Variants in SHANK2 observed in about 807,000 individuals in gnomAD.
SHANK2 encodes the protein SH3 and multiple ankyrin repeat domains protein 2.
In SHANK2, 43 loss-of-function variants were observed where a neutral mutation model predicts 133.7. The ratio of observed to expected loss-of-function variants is 0.32; its 90% CI spans 0.25 to 0.41. The LOEUF is 0.41. Among genes scored for constraint, SHANK2 ranks in the 10% least tolerant of loss-of-function variants. The probability of loss-of-function intolerance (pLI) is 1.00; values close to 1 mark genes in which losing one functional copy is unlikely to be tolerated. For missense variants in SHANK2, 1,994 were observed against 2,235.8 expected, an observed-to-expected ratio of 0.89 and a Z score of 2.18; for synonymous variants, 1,017 against 952.8, an observed-to-expected ratio of 1.07 and a Z score of -1.24.
In SHANK2 at chr11:70,485,997, C is replaced by A. The variant is rs559537625; in HGVS notation, c.4296G>T (p.Pro1432=). 6.2e-7 allele frequency: 1 copy of A among 1,613,884 alleles called. No individual in the cohort carries two copies. Among genetic ancestry groups the A allele is most frequent in the African/African-American group, 1.3e-5 (1 of 74,856 alleles). ...DIPDDRAASV[P]ALSDLVKQKK... ...TCTGCTTCACTAAGTCTGAGAGAGCCGGGACAGAAGCTGCCCGGTCATCGG... is the reference window on the plus strand; with the variant it reads ...TCTGCTTCACTAAGTCTGAGAGAGCAGGGACAGAAGCTGCCCGGTCATCGG... The change falls in exon 25 of 26, where the codon CCG becomes CCT. Residue 1432 remains proline, a synonymous_variant. Transcript: ENST00000601538. This position sits in a 1 kb window ranked among gnomAD's most constrained non-coding sequence, Gnocchi z 5.8.
intron 11 of SHANK2, among the ~76,000 whole-genome samples, chr11:70,887,123 G>A (rs1443202310): frequency 1.3e-5 from 2 of 152,220 alleles, no homozygotes; most frequent in African/African-American, 2.4e-5. Context: ...ATGTGTGCAC[G>A]ACTGTTTCAG....
At chr11:70,593,926 T>C (rs2060363073) in intron 17 of SHANK2, among the ~76,000 whole-genome samples, 1 of 152,076 alleles carries the variant, frequency 6.6e-6, no homozygotes, top group South Asian at 2.1e-4. Context: ...GATGCACATG[T>C]GGGACCTGCT....
At chr11:70,642,914 G>T (rs2061203693) in intron 17 of SHANK2, among the ~76,000 whole-genome samples, 1 of 152,202 alleles carries the variant, frequency 6.6e-6, no homozygotes, top group African/African-American at 2.4e-5. Context: ...ATAATTTATT[G>T]CATATTTCAA....
chr11:70,839,447 G>C (rs868993158), intron 11 of SHANK2, among the ~76,000 whole-genome samples: 1 of 152,160 alleles, frequency 6.6e-6, no homozygotes, highest in Non-Finnish European at 1.5e-5. Flanking sequence ...TAGAGAGGGC[G>C]GGTACGTCAA....
In SHANK2 at chr11:70,672,217, C is replaced by T. The variant is rs553659243; in HGVS notation, c.1854-10539G>A. Among the ~76,000 whole-genome samples the T allele has an allele frequency of 5.9e-5, 9 of 152,152 alleles. No homozygotes were observed. In the East Asian group the frequency reaches 1.7e-3, roughly 29 times the overall value. ...TAGCTGGGATTACAGGTGCCCGCCA[C>T]CATGCCTGGCTAATTTTTATATTTT... On this transcript the variant is annotated intron_variant, in intron 15 of 25. Coordinates refer to ENST00000601538, the MANE Select transcript of SHANK2 (RefSeq NM_012309.5).
chr11:70,639,986 C>T (rs1591689141), intron 17 of SHANK2, among the ~76,000 whole-genome samples: 1 of 152,218 alleles, frequency 6.6e-6, no homozygotes, highest in East Asian at 1.9e-4. Context: ...CCGTCTGGGG[C>T]TCAGAGGGCT....
rs1444940040 is a variant in SHANK2, at chr11:71,061,397, A to G, written c.1030-4839T>C. Among the ~76,000 whole-genome samples the G allele has an allele frequency of 4.6e-5, 7 of 152,250 alleles. No homozygotes were observed. The East Asian group carries it at 1.3e-3, about 29-fold the overall frequency. On this transcript the variant is annotated intron_variant, in intron 9 of 25. Coordinates refer to ENST00000601538, the MANE Select transcript of SHANK2 (RefSeq NM_012309.5). ...CGCTGGCAGGATGCCCTAACAGTGG[A>G]CATATTAACAACGGTCTTCAGGCCC... is the stretch of plus-strand genomic sequence containing the variant.
intron 17 of SHANK2, among the ~76,000 whole-genome samples, chr11:70,537,195 A>G (rs536343537): frequency 5.3e-5 from 8 of 152,202 alleles, no homozygotes; most frequent in Admixed American, 5.2e-4. Context: ...GCCCCTCCAG[A>G]ATTTAGGCCT....
intron 17 of SHANK2, among the ~76,000 whole-genome samples, chr11:70,556,223 T>C (rs2136105240): frequency 6.6e-6 from 1 of 152,368 alleles, no homozygotes; most frequent in East Asian, 1.9e-4. Flanking sequence ...TCGATAGCCA[T>C]TTCTTTTCAT....
intron 14 of SHANK2, among the ~76,000 whole-genome samples, chr11:70,726,684 A>T (rs1163606590): frequency 1.3e-5 from 2 of 152,116 alleles, no homozygotes; most frequent in African/African-American, 4.8e-5. Flanking sequence ...CCCCTCCCTG[A>T]ACCTACACCC....
At chr11:70,933,909 A>C (rs550954520) in intron 10 of SHANK2, among the ~76,000 whole-genome samples, 11 of 151,458 alleles carry the variant, frequency 7.3e-5, no homozygotes, top group East Asian at 1.9e-4. Context: ...CAAAAAAAAA[A>C]AAAAACAAAA....
At chr11:70,949,878 A>T (rs1950807468) in intron 10 of SHANK2, among the ~76,000 whole-genome samples, 1 of 152,194 alleles carries the variant, frequency 6.6e-6, no homozygotes. Flanking sequence ...CGGGGCCTCT[A>T]TGCCAAAACA....
chr11:70,827,962 C>G (rs1948670969), intron 11 of SHANK2, among the ~76,000 whole-genome samples: 1 of 152,070 alleles, frequency 6.6e-6, no homozygotes, highest in Non-Finnish European at 1.5e-5. Context: ...TGAGTGTACG[C>G]CCTATATCAG....
intron 14 of SHANK2, among the ~76,000 whole-genome samples, chr11:70,767,909 CT>C (rs1165433741): frequency 6.6e-6 from 1 of 152,212 alleles, no homozygotes; most frequent in Non-Finnish European, 1.5e-5. Flanking sequence ...CCAGTGCTCC[CT>C]TTCCCTCTGC....
intron 12 of SHANK2, 146 bp downstream of exon 12, chr11:70,820,218 G>A (rs531719920): frequency 1.8e-6 from 1 of 562,032 alleles, no homozygotes; most frequent in Non-Finnish European, 3.2e-6. Flanking sequence ...GGGACAGTGA[G>A]CAAAACTCAG....
chr11:70,932,459 C>T (rs1380355174), intron 10 of SHANK2, among the ~76,000 whole-genome samples: 2 of 152,244 alleles, frequency 1.3e-5, no homozygotes, highest in Non-Finnish European at 2.9e-5. Flanking sequence ...TGCATGGAAA[C>T]TGTCCAGACC....
chr11:70,819,871 C>G (rs545335812), intron 12 of SHANK2, among the ~76,000 whole-genome samples: 1 of 152,180 alleles, frequency 6.6e-6, no homozygotes, highest in East Asian at 1.9e-4. Context: ...GCCTCTCCGG[C>G]CCCCAGCATT....
chr11:71,141,453 A>G (rs535002179), intron 3 of SHANK2, among the ~76,000 whole-genome samples: 8 of 152,220 alleles, frequency 5.3e-5, no homozygotes, highest in African/African-American at 1.9e-4. Flanking sequence ...GGTTGCTGTG[A>G]GGTGAGATGG....
chr11:71,104,339 G>A (rs918995811), intron 6 of SHANK2, among the ~76,000 whole-genome samples: 18 of 152,050 alleles, frequency 1.2e-4, no homozygotes, highest in African/African-American at 4.1e-4. Flanking sequence ...TGGAAGGGTC[G>A]CCTCTGCAGT....
Sources: allele counts gnomAD v4.1 joint callset (sites outside exome capture counted in the v4.1 genomes callset), GRCh38; gene constraint gnomAD v4.1.1; non-coding constraint Gnocchi (gnomAD v3.1); transcripts MANE v1.5; gene names NCBI Gene and HGNC (gene_info 2026-07-23, HGNC 2026-07-21).